The following CCSER1 variants were observed in gnomAD, a reference collection of about 807,000 sequenced individuals.
The protein encoded by CCSER1 is coiled-coil serine rich protein 1, also known as serine-rich coiled-coil domain-containing protein 1.
A neutral mutation model predicts 82.0 loss-of-function variants in CCSER1; 41 were observed. The ratio of observed to expected loss-of-function variants is 0.50; its 90% CI spans 0.39 to 0.65. The LOEUF is 0.65. Ranked by LOEUF, CCSER1 falls within the 30% of genes least tolerant of loss-of-function variation. The pLI, the probability that CCSER1 is intolerant of heterozygous loss-of-function variation, is 0.00. For missense variants in CCSER1, 1,119 were observed against 1,064.2 expected (o/e 1.05, Z -0.72); for synonymous variants, 414 against 383.9 (o/e 1.08, Z -0.92).
intron 9 of CCSER1, among the ~76,000 whole-genome samples, chr4:90,930,937 TATACACATGAC>T (rs1244829783): frequency 1.5e-5 from 2 of 134,698 alleles, no homozygotes; most frequent in African/African-American, 5.4e-5. Context: ...TATATATATA[TATACACATGAC>T]ATATATATAC....
intron 10 of CCSER1, among the ~76,000 whole-genome samples, chr4:91,347,231 T>C (rs1291077238): frequency 1.3e-5 from 2 of 152,168 alleles, no homozygotes; most frequent in African/African-American, 2.4e-5. Context: ...GCACCACTTG[T>C]GAAAAGACTA....
At chr4:90,595,233 A>G (rs1783189722) in intron 5 of CCSER1, among the ~76,000 whole-genome samples, 1 of 152,034 alleles carries the variant, frequency 6.6e-6, no homozygotes, top group African/African-American at 2.4e-5. Context: ...CATGAAGTTA[A>G]AACTCATAGT....
chr4:90,941,518 CA>C (rs759071098), intron 9 of CCSER1, among the ~76,000 whole-genome samples: 4 of 151,962 alleles, frequency 2.6e-5, no homozygotes, highest in Non-Finnish European at 4.4e-5. Context: ...CTTTATAAAA[CA>C]AAATGCAATT....
chr4:90,819,154 A>G (rs73833897), intron 8 of CCSER1, among the ~76,000 whole-genome samples: 8,869 of 152,120 alleles, frequency 0.058, 593 homozygotes, highest in African/African-American at 0.17. Context: ...GTGCATGCAC[A>G]TAGGGAGAGA....
At chr4:90,489,973 A>G (rs1297215116) in intron 5 of CCSER1, among the ~76,000 whole-genome samples, 2 of 152,202 alleles carry the variant, frequency 1.3e-5, no homozygotes, top group African/African-American at 2.4e-5. Context: ...ATAGTGCCGC[A>G]ATAAACATAC....
At chr4:90,478,744 T>C (rs1429325025) in intron 5 of CCSER1, among the ~76,000 whole-genome samples, 1 of 150,740 alleles carries the variant, frequency 6.6e-6, no homozygotes, top group Non-Finnish European at 1.5e-5. Context: ...TTTTTTTTTT[T>C]TTTTTATTTT....
intron 5 of CCSER1, among the ~76,000 whole-genome samples, chr4:90,498,632 T>A (rs1344949646): frequency 3.9e-5 from 6 of 152,180 alleles, no homozygotes; most frequent in Non-Finnish European, 8.8e-5. Flanking sequence ...TGGTTTAATA[T>A]TATTTCAGTG....
At chr4:90,443,066 C>T (rs1163432630) in intron 4 of CCSER1, among the ~76,000 whole-genome samples, 1 of 152,050 alleles carries the variant, frequency 6.6e-6, no homozygotes, top group South Asian at 2.1e-4. Flanking sequence ...TAATGTTTAA[C>T]TTAATTAGGC....
At chr4:91,086,334 G>A (rs1723392064) in intron 10 of CCSER1, among the ~76,000 whole-genome samples, 2 of 152,042 alleles carry the variant, frequency 1.3e-5, no homozygotes, top group Non-Finnish European at 2.9e-5. Context: ...TTACTGAGAA[G>A]TTAACAAAAT....
chr4:90,737,983 T>C (rs1745936857), intron 7 of CCSER1, among the ~76,000 whole-genome samples: 1 of 152,216 alleles, frequency 6.6e-6, no homozygotes, highest in Non-Finnish European at 1.5e-5. Flanking sequence ...TGTGATAGGT[T>C]CTGATTCCTT....
chr4:90,621,872 T>A (rs1722384890), intron 5 of CCSER1, among the ~76,000 whole-genome samples: 1 of 152,226 alleles, frequency 6.6e-6, no homozygotes, highest in Non-Finnish European at 1.5e-5. Flanking sequence ...TTCTCCTTTA[T>A]CTGCATAGGC....
chr4:91,419,485 AT>A (rs1490509101), intron 10 of CCSER1, among the ~76,000 whole-genome samples: 2 of 152,108 alleles, frequency 1.3e-5, no homozygotes. Context: ...ATAACAAAAT[AT>A]TAGGAATAAT....
chr4:90,139,710 T>C (rs1445686479), intron 1 of CCSER1, among the ~76,000 whole-genome samples: 1 of 152,176 alleles, frequency 6.6e-6, no homozygotes, highest in East Asian at 1.9e-4. Flanking sequence ...CCTAGCACTT[T>C]GGAAGGCGGA....
chr4:91,197,154 C>A (rs4693266), intron 10 of CCSER1, among the ~76,000 whole-genome samples: 15 of 152,112 alleles, frequency 9.9e-5, no homozygotes, highest in Non-Finnish European at 2.1e-4. Context: ...TCTGTATTAT[C>A]AGGAAACACC....
chr4:90,263,177 C>CT (rs1310573519), intron 1 of CCSER1, among the ~76,000 whole-genome samples: 8 of 152,324 alleles, frequency 5.3e-5, no homozygotes, highest in Non-Finnish European at 1.2e-4. Context: ...CATCCGGATT[C>CT]TTTTGTCCCA....
intron 10 of CCSER1, among the ~76,000 whole-genome samples, chr4:91,103,339 G>T (rs1054600756): frequency 6.6e-6 from 1 of 152,050 alleles, no homozygotes; most frequent in Non-Finnish European, 1.5e-5. Flanking sequence ...TACCAAAGGG[G>T]CCCCTCAGTT....
chr4:91,373,754 A>C (rs576146550), intron 10 of CCSER1, among the ~76,000 whole-genome samples: 2 of 152,310 alleles, frequency 1.3e-5, no homozygotes, highest in African/African-American at 4.8e-5. Context: ...TTAGTGAAGA[A>C]GGCACGTCAA....
At chr4:90,327,289 A>G (rs373806079) in intron 3 of CCSER1, among the ~76,000 whole-genome samples, 1 of 152,142 alleles carries the variant, frequency 6.6e-6, no homozygotes, top group Non-Finnish European at 1.5e-5. Flanking sequence ...ATTTCCTTTG[A>G]TCTTAGGGAA....
At chr4:91,241,679 T>C (rs925056315) in intron 10 of CCSER1, among the ~76,000 whole-genome samples, 9 of 152,200 alleles carry the variant, frequency 5.9e-5, no homozygotes, top group Non-Finnish European at 1.2e-4. Flanking sequence ...TAACTATACA[T>C]GTGTTTTCAT....
Sources: allele counts gnomAD v4.1 joint callset (sites outside exome capture counted in the v4.1 genomes callset), GRCh38; gene constraint gnomAD v4.1.1; transcripts MANE v1.5; gene names NCBI Gene and HGNC (gene_info 2026-07-23, HGNC 2026-07-21).